PRRC1: variants seen among roughly 807,000 people sequenced by gnomAD.
PRRC1 encodes the protein proline rich coiled-coil 1.
Under a neutral mutation model 40.7 loss-of-function variants are expected in PRRC1, and 39 were observed. The ratio of observed to expected loss-of-function variants is 0.96; its 90% CI spans 0.74 to 1.25. PRRC1 has a LOEUF of 1.25. Ranked by LOEUF, PRRC1 falls within the 50% of genes most tolerant of loss-of-function variation. The probability of loss-of-function intolerance (pLI) is 0.00; values close to 1 mark genes in which losing one functional copy is unlikely to be tolerated. For synonymous variants in PRRC1, 175 were observed against 193.3 expected, an observed-to-expected ratio of 0.91 and a Z score of 0.79; for missense variants, 573 against 548.3, an observed-to-expected ratio of 1.05 and a Z score of -0.45.
intron 7 of PRRC1, among the ~76,000 whole-genome samples, chr5:127,541,853 G>A (rs981773958): frequency 6.6e-6 from 1 of 151,670 alleles, no homozygotes; most frequent in African/African-American, 2.4e-5. Flanking sequence ...TTTTTTGAAG[G>A]GTTTTTTGTG....
chr5:127,527,040 A>G (rs1301033103), intron 4 of PRRC1, among the ~76,000 whole-genome samples: 2 of 152,222 alleles, frequency 1.3e-5, no homozygotes, highest in East Asian at 3.8e-4. Flanking sequence ...TATCATGGAT[A>G]TCTTCCTGGC....
At chr5:127,540,868 G>C (rs148130385) in intron 7 of PRRC1, among the ~76,000 whole-genome samples, 1 of 151,932 alleles carries the variant, frequency 6.6e-6, no homozygotes, top group East Asian at 1.9e-4. Context: ...AATATGTTGC[G>C]AAAATTTTCT....
At chr5:127,518,113 G>A (rs73786118) in intron 1 of PRRC1, 3,915 of 152,504 alleles carry the variant, frequency 0.026, 166 homozygotes, top group African/African-American at 0.089. Context: ...CACCTTCCAG[G>A]GCGCTGACTT....
chr5:127,522,363 G>A (rs1767481008), intron 1 of PRRC1, among the ~76,000 whole-genome samples: 1 of 152,148 alleles, frequency 6.6e-6, no homozygotes, highest in African/African-American at 2.4e-5. Context: ...GGAAAATTGT[G>A]AATTAATGCT....
rs749079007 is a variant in PRRC1, at chr5:127,523,529, C to T, written c.50C>T (p.Pro17Leu). 1 of 1,613,156 alleles carries T rather than the reference C, an allele frequency of 6.2e-7. No homozygotes were observed. The highest frequency in any genetic ancestry group is 1.1e-5 in the South Asian group (1 of 90,894). The change falls in exon 2 of 9, where the codon CCA (proline) becomes CTA (leucine). Residue 17 changes from proline (P) to leucine (L), a missense_variant. Coordinates refer to ENST00000296666, the MANE Select transcript of PRRC1 (RefSeq NM_130809.5). ...IETTPPGTPP[P>L]NPAGLAATAM... ...ACAACACCACCTGGGACTCCTCCACCAAATCCTGCAGGGCTGGCTGCTACT... is the reference window on the plus strand; with the variant it reads ...ACAACACCACCTGGGACTCCTCCACTAAATCCTGCAGGGCTGGCTGCTACT...
At chr5:127,530,446 G>T (rs1309674024) in intron 5 of PRRC1, 50 bp downstream of exon 5, 5 of 1,165,116 alleles carry the variant, frequency 4.3e-6, no homozygotes, top group South Asian at 1.4e-5. Flanking sequence ...TTAAGGGTAT[G>T]TCCACATCAG....
chr5:127,531,617 C>CTTCTTTTTTTTTTTTT (rs1268819647), intron 5 of PRRC1, among the ~76,000 whole-genome samples: 5 of 99,680 alleles, frequency 5.0e-5, no homozygotes, highest in African/African-American at 1.9e-4. Flanking sequence ...TCTTCTTCTT[C>CTTCTTTTTTTTTTTTT]TTTTTTTTTT....
At chr5:127,537,951 C>T (rs1333592411) in intron 6 of PRRC1, among the ~76,000 whole-genome samples, 1 of 151,908 alleles carries the variant, frequency 6.6e-6, no homozygotes, top group African/African-American at 2.4e-5. Context: ...TTAACATTGA[C>T]CACATAGGCC....
rs899712729 is a variant in PRRC1 at position 127,548,177 on chromosome 5, CTT to C, written c.1128+258_1128+259del. On this transcript the variant is annotated intron_variant, in intron 8 of 8. Coordinates refer to ENST00000296666, the MANE Select transcript of PRRC1 (RefSeq NM_130809.5). ...TAATCATTATTTCTCTCATTTTTTT[CTT>C]TGTTTTTACTCTGAGTTCTGGAAAA... 4 of 535,696 alleles carry C rather than the reference CTT, an allele frequency of 7.5e-6. No homozygotes were observed. In the East Asian group the frequency reaches 8.9e-5, roughly 12 times the overall value. 33.2% of individuals were successfully genotyped at this position (535,696 alleles called of 1,614,324 possible). A position where few individuals can be genotyped will look rare whatever the true frequency, so the allele number is the denominator to read the frequency against.
At chr5:127,544,195 G>A (rs562815897) in intron 7 of PRRC1, among the ~76,000 whole-genome samples, 2,180 of 152,302 alleles carry the variant, frequency 0.014, 15 homozygotes, top group Non-Finnish European at 0.022. Context: ...GCGGATTTTC[G>A]TGAACCGCGA....
At chr5:127,541,618 G>C (rs1233341133) in intron 7 of PRRC1, among the ~76,000 whole-genome samples, 6 of 152,242 alleles carry the variant, frequency 3.9e-5, no homozygotes, top group East Asian at 1.9e-4. Context: ...TGTATGTATC[G>C]AGGAATTTAT....
At chr5:127,524,488 A>T in intron 2 of PRRC1, 43 bp from the exon 3 acceptor site, 1 of 1,525,920 alleles carries the variant, frequency 6.6e-7, no homozygotes, top group Non-Finnish European at 8.8e-7. Context: ...TAAATAAAAA[A>T]CATTTCTAAT....
intron 3 of PRRC1, among the ~76,000 whole-genome samples, chr5:127,525,608 C>T (rs999767887): frequency 1.3e-5 from 2 of 152,040 alleles, no homozygotes; most frequent in African/African-American, 4.8e-5. Flanking sequence ...ACCATTTTAC[C>T]TTCTTATTAG....
In PRRC1 at chr5:127,524,795, C is replaced by T. The variant is rs776990478; in HGVS notation, c.368C>T (p.Ala123Val). 2 of 1,614,180 alleles carry T rather than the reference C, an allele frequency of 1.2e-6. No homozygotes were observed. The highest frequency in any genetic ancestry group is 1.7e-6 in the Non-Finnish European group (2 of 1,180,028). The change falls in exon 3 of 9, where the codon GCA (alanine) becomes GTA (valine). Residue 123 changes from alanine to valine, a missense_variant. Transcript: ENST00000296666. ...TCTGCCCCAAACACTCTTTTACCTG[C>T]ACCCCCTTCGGGTCCTCCTATATCA... ...STSAPNTLLP[A>V]PPSGPPISGF...
intron 6 of PRRC1, among the ~76,000 whole-genome samples, chr5:127,535,834 AAC>A (rs962773263): frequency 6.6e-6 from 1 of 152,140 alleles, no homozygotes; most frequent in Non-Finnish European, 1.5e-5. Context: ...TTAGTCACTA[AAC>A]ACAAACCCAC....
At chr5:127,533,942 A>C in intron 6 of PRRC1, 156 bp downstream of exon 6, 1 of 764,732 alleles carries the variant, frequency 1.3e-6, no homozygotes, top group Non-Finnish European at 2.2e-6. Context: ...TATTATGAAG[A>C]TATAGTGGAG....
Position 127,554,047 on chromosome 5 carries a change from C to A in PRRC1, c.*2131C>A. The A allele has an allele frequency of 1.3e-6, 1 of 767,628 alleles. No homozygotes were observed. Among genetic ancestry groups the A allele is most frequent in the Non-Finnish European group, 2.0e-6 (1 of 508,806 alleles). The allele number at this position is 767,628 out of a possible 1,614,324, so 47.6% of individuals were successfully genotyped here. On this transcript the variant is annotated 3_prime_UTR_variant, in exon 9 of 9. Coordinates refer to ENST00000296666, the MANE Select transcript of PRRC1 (RefSeq NM_130809.5). ...GACTTCACATGCTCAGCTTTCTCAGCCTTTTGTTTATTTTGTTGTCCTTAG... is the reference window on the plus strand; with the variant it reads ...GACTTCACATGCTCAGCTTTCTCAGACTTTTGTTTATTTTGTTGTCCTTAG...
intron 7 of PRRC1, among the ~76,000 whole-genome samples, chr5:127,539,783 G>A (rs1767990402): frequency 1.3e-5 from 2 of 151,988 alleles, no homozygotes; most frequent in Admixed American, 1.3e-4. Flanking sequence ...CTTGTAATAT[G>A]CAAAATATAT....
rs1158934652 is a variant in PRRC1 at position 127,551,269 on chromosome 5, C to T, written c.1129-438C>T. On this transcript the variant is annotated intron_variant, in intron 8 of 8. Coordinates refer to ENST00000296666, the MANE Select transcript of PRRC1 (RefSeq NM_130809.5). The stretch of plus-strand genomic sequence containing the variant: ...GTCCAGGACTGGATATTACTTGATA[C>T]ATATTAACATGTGAATCACATTTCC... 4 of 190,944 alleles carry T rather than the reference C, an allele frequency of 2.1e-5. No individual in the cohort carries two copies. The East Asian group carries it at 4.2e-4, about 20-fold the overall frequency. The allele number at this position is 190,944 out of a possible 1,614,324, so 11.8% of individuals were successfully genotyped here.
Sources: gnomAD v4.1 joint callset for allele counts (sites outside exome capture counted in the v4.1 genomes callset) on GRCh38, gnomAD v4.1.1 for gene constraint, MANE v1.5 for transcripts, NCBI Gene and HGNC (gene_info 2026-07-23, HGNC 2026-07-21) for gene names.